PCBP3: variants seen among roughly 807,000 people sequenced by gnomAD.
PCBP3 encodes the protein poly(rC)-binding protein 3.
A neutral mutation model predicts 52.7 loss-of-function variants in PCBP3; 25 were observed. The ratio of observed to expected loss-of-function variants is 0.47; its 90% CI spans 0.35 to 0.66. The LOEUF (loss-of-function observed/expected upper bound fraction) is 0.66. Ranked by LOEUF, PCBP3 falls within the 30% of genes least tolerant of loss-of-function variation. The pLI is 0.01. For synonymous variants in PCBP3, 162 were observed against 183.0 expected (o/e 0.89, Z 0.93); for missense variants, 391 against 490.3 (o/e 0.80, Z 1.91).
chr21:45,909,941 C>CCACTTCCCAGATATGGACCCCCCCACACA (rs2096320206), intron 10 of PCBP3, among the ~76,000 whole-genome samples: 1 of 62,734 alleles, frequency 1.6e-5, no homozygotes, highest in Non-Finnish European at 3.6e-5. Flanking sequence ...CCCCCCCAAC[C>CCACTTCCCAGATATGGACCCCCCCACACA]CACTTCCCAG....
intron 1 of PCBP3, among the ~76,000 whole-genome samples, chr21:45,648,825 T>A (rs1248483264): frequency 6.6e-6 from 1 of 152,244 alleles, no homozygotes; most frequent in Admixed American, 6.5e-5. Flanking sequence ...TGTCCACTTA[T>A]TGTCTGGATT....
intron 2 of PCBP3, among the ~76,000 whole-genome samples, chr21:45,686,701 A>G (rs1228092056): frequency 6.6e-6 from 1 of 152,242 alleles, no homozygotes; most frequent in African/African-American, 2.4e-5. Flanking sequence ...TAAGATAAAT[A>G]GAAGATATAT....
intron 15 of PCBP3, 151 bp downstream of exon 15, chr21:45,930,996 G>T: frequency 8.8e-7 from 1 of 1,139,824 alleles, no homozygotes; most frequent in South Asian, 1.6e-5. Flanking sequence ...GGCGTGGGTG[G>T]TGCCATGCTG....
At position 45,930,829 on chromosome 21, in the gene PCBP3, G is replaced by A. The variant is rs1368743394; in HGVS notation, c.840G>A (p.Leu280=). ...PLHSSEEAQN[L]MGQSSGLDAS... is the part of the protein sequence containing the mutation. ...ACTCCTCCGAAGAAGCTCAAAATCT[G>A]ATGGGCCAGTCATCAGGTAACACAA... Residue 280 remains leucine (L), a synonymous_variant, in exon 15 of 18, where the codon CTG becomes CTA. Transcript: ENST00000681687. 14 of 1,605,102 alleles carry A rather than the reference G, an allele frequency of 8.7e-6. No individual in the cohort carries two copies. Among genetic ancestry groups the A allele is most frequent in the Non-Finnish European group, 1.2e-5 (14 of 1,172,308 alleles).
At chr21:45,767,725 T>C (rs956995235) in intron 4 of PCBP3, among the ~76,000 whole-genome samples, 1 of 152,200 alleles carries the variant, frequency 6.6e-6, no homozygotes, top group African/African-American at 2.4e-5. Context: ...ACCTTCGTGG[T>C]GAGGCAGCTC....
chr21:45,836,729 T>G (rs963786559), intron 4 of PCBP3, among the ~76,000 whole-genome samples: 1 of 152,044 alleles, frequency 6.6e-6, no homozygotes, highest in Non-Finnish European at 1.5e-5. Flanking sequence ...TTTTCTCATC[T>G]CTTCTCTTTA....
intron 4 of PCBP3, among the ~76,000 whole-genome samples, chr21:45,784,390 C>T (rs2090902751): frequency 2.6e-5 from 3 of 115,394 alleles, no homozygotes; most frequent in Admixed American, 8.5e-5. Context: ...CTACCTCTAC[C>T]TCTACCGCTA....
chr21:45,768,488 T>A (rs898596946), intron 4 of PCBP3, among the ~76,000 whole-genome samples: 2 of 152,178 alleles, frequency 1.3e-5, no homozygotes, highest in African/African-American at 4.8e-5. Flanking sequence ...AGCAGATGCA[T>A]TTGAGGGGAG....
intron 5 of PCBP3, among the ~76,000 whole-genome samples, chr21:45,883,032 G>A (rs961057657): frequency 1.7e-4 from 26 of 152,130 alleles, no homozygotes; most frequent in East Asian, 3.8e-4. Context: ...TGTGTGTTTC[G>A]TGCCACAGGT....
intron 4 of PCBP3, among the ~76,000 whole-genome samples, chr21:45,841,848 G>T (rs1262721580): frequency 2.0e-5 from 3 of 152,150 alleles, no homozygotes; most frequent in African/African-American, 7.2e-5. Flanking sequence ...CTGTGTGTGT[G>T]GACACTTCTG....
At chr21:45,720,558 G>A (rs1298911680) in intron 2 of PCBP3, among the ~76,000 whole-genome samples, 1 of 152,180 alleles carries the variant, frequency 6.6e-6, no homozygotes, top group Admixed American at 6.5e-5. Context: ...AATTTAAGCA[G>A]TGTGAGTAAA....
chr21:45,932,850 T>A lies in PCBP3; in HGVS notation c.856+2005T>A, dbSNP rs1393742718. ...CCTGAGATGAACGAACACCTGGGCC[T>A]TGCCGTCCTGAGATGGATGGACACC... On this transcript the variant is annotated intron_variant, in intron 15 of 17. Coordinates refer to ENST00000681687, the MANE Select transcript of PCBP3 (RefSeq NM_001384156.1). 2.4e-3 allele frequency among the ~76,000 whole-genome samples: 238 copies of A among 97,888 alleles called. No individual in the cohort carries two copies. In the Middle Eastern group the frequency reaches 0.046, roughly 19 times the overall value. The allele number at this position is 97,888 out of a possible 152,430, so 64.2% of individuals were successfully genotyped here.
At chr21:45,684,679 A>G (rs982316100) in intron 2 of PCBP3, among the ~76,000 whole-genome samples, 4 of 152,208 alleles carry the variant, frequency 2.6e-5, no homozygotes, top group African/African-American at 9.6e-5. Flanking sequence ...AGGCCTCAGC[A>G]GAGGCCAAGC....
chr21:45,702,974 A>ATCTCAAGTAACCACTTTTCTGCT (rs2083223285), intron 2 of PCBP3, among the ~76,000 whole-genome samples: 1 of 152,108 alleles, frequency 6.6e-6, no homozygotes, highest in Non-Finnish European at 1.5e-5. Flanking sequence ...AGTAGACTGC[A>ATCTCAAGTAACCACTTTTCTGCT]TCTCAAGTAA....
chr21:45,835,912 G>A (rs970184342), intron 4 of PCBP3, among the ~76,000 whole-genome samples: 4 of 152,174 alleles, frequency 2.6e-5, no homozygotes, highest in African/African-American at 4.8e-5. Flanking sequence ...CAGGCCTGGC[G>A]GGGTCTGGAT....
At chr21:45,901,917 A>G (rs2096066963) in intron 9 of PCBP3, among the ~76,000 whole-genome samples, 1 of 152,230 alleles carries the variant, frequency 6.6e-6, no homozygotes, top group South Asian at 2.1e-4. Flanking sequence ...AATGAGGTGC[A>G]CTTTGTGGGA....
rs1400848879 is a variant in PCBP3, at chr21:45,724,872, C to CT, written c.-199-10519dup. Among the ~76,000 whole-genome samples the CT allele has an allele frequency of 1.3e-5, 2 of 152,118 alleles. No individual in the cohort carries two copies. The highest frequency in any genetic ancestry group is 2.9e-5 in the Non-Finnish European group (2 of 68,024). On this transcript the variant is annotated intron_variant, in intron 2 of 17. Coordinates refer to ENST00000681687, the MANE Select transcript of PCBP3 (RefSeq NM_001384156.1). The surrounding 1 kb of genome is among the most constrained non-coding windows in gnomAD (Gnocchi z 5.3). Reference sequence around the variant, plus strand: ...CCTCTCTGTGAGGGAGGCACTGACTCTCAGGAGATGCTGTCATTGGGATAC... The same window carrying CT: ...CCTCTCTGTGAGGGAGGCACTGACTCTTCAGGAGATGCTGTCATTGGGATAC...
intron 4 of PCBP3, among the ~76,000 whole-genome samples, chr21:45,801,545 C>T (rs1437333092): frequency 6.6e-6 from 1 of 152,244 alleles, no homozygotes; most frequent in Non-Finnish European, 1.5e-5. Context: ...ATGCCCACAG[C>T]GTCTGGCCAG....
intron 2 of PCBP3, among the ~76,000 whole-genome samples, chr21:45,715,421 G>T (rs1470503444): frequency 6.6e-6 from 1 of 152,106 alleles, no homozygotes; most frequent in Non-Finnish European, 1.5e-5. Context: ...GTAGTTTTTG[G>T]TATTAATATA....
Sources: gnomAD v4.1 joint callset for allele counts (sites outside exome capture counted in the v4.1 genomes callset) on GRCh38, gnomAD v4.1.1 for gene constraint, Gnocchi (gnomAD v3.1) non-coding constraint, MANE v1.5 for transcripts, NCBI Gene and HGNC (gene_info 2026-07-23, HGNC 2026-07-21) for gene names.